PKHD1: variants seen among roughly 807,000 people sequenced by gnomAD.
PKHD1 encodes the protein PKHD1 ciliary IPT domain containing fibrocystin/polyductin, also known as fibrocystin.
A neutral mutation model predicts 412.0 loss-of-function variants in PKHD1; 291 were observed. The observed-to-expected ratio is 0.71, with a 90% CI of 0.64 to 0.78. The LOEUF is 0.78. Ranked by LOEUF, PKHD1 falls within the 30% of genes least tolerant of loss-of-function variation. The probability of loss-of-function intolerance (pLI) is 0.00; values close to 1 mark genes in which losing one functional copy is unlikely to be tolerated. For synonymous variants in PKHD1, 1,777 were observed against 1,821.5 expected, an observed-to-expected ratio of 0.98 and a Z score of 0.62; for missense variants, 4,825 against 4,950.7, an observed-to-expected ratio of 0.97 and a Z score of 0.76.
At chr6:52,065,950 A>G (rs371368359) in intron 12 of PKHD1, 26 bp downstream of exon 12, 2 of 1,069,748 alleles carry the variant, frequency 1.9e-6, no homozygotes, top group African/African-American at 1.6e-5. Context: ...ACTATGAACT[A>G]TTTTCAGCCA....
At chr6:51,948,947 A>G (rs1168179259) in intron 36 of PKHD1, among the ~76,000 whole-genome samples, 1 of 152,176 alleles carries the variant, frequency 6.6e-6, no homozygotes, top group East Asian at 1.9e-4. Context: ...AGATCAAGAG[A>G]GAAAAGGTGC....
intron 60 of PKHD1, among the ~76,000 whole-genome samples, chr6:51,674,654 T>A (rs924345760): frequency 6.6e-6 from 1 of 152,182 alleles, no homozygotes; most frequent in African/African-American, 2.4e-5. Context: ...ACTCCCCTTT[T>A]GGCCTGTGTT....
intron 35 of PKHD1, among the ~76,000 whole-genome samples, chr6:51,979,767 G>A (rs749535234): frequency 7.9e-5 from 12 of 152,244 alleles, no homozygotes; most frequent in Middle Eastern, 3.4e-3. Context: ...TAATTCTGCT[G>A]GATCATGTGC....
chr6:51,962,004 T>C (rs1471506467), intron 35 of PKHD1, among the ~76,000 whole-genome samples: 2 of 152,218 alleles, frequency 1.3e-5, no homozygotes, highest in East Asian at 3.9e-4. Flanking sequence ...CACTTCTGCA[T>C]CAAAATTTAA....
At chr6:51,885,048 A>T (rs1185085046) in intron 45 of PKHD1, among the ~76,000 whole-genome samples, 1 of 152,166 alleles carries the variant, frequency 6.6e-6, no homozygotes, top group Non-Finnish European at 1.5e-5. Flanking sequence ...TTGTGACATT[A>T]TTATATGTTT....
intron 52 of PKHD1, among the ~76,000 whole-genome samples, chr6:51,795,907 G>T (rs898262973): frequency 2.6e-5 from 4 of 152,114 alleles, no homozygotes; most frequent in Non-Finnish European, 5.9e-5. Context: ...TTGATGTGCT[G>T]CTGTATTCAG....
At chr6:51,733,344 T>C (rs1451981359) in intron 60 of PKHD1, among the ~76,000 whole-genome samples, 1 of 152,014 alleles carries the variant, frequency 6.6e-6, no homozygotes, top group Non-Finnish European at 1.5e-5. Flanking sequence ...ACCTAGATCA[T>C]CCTGGCTAAC....
intron 60 of PKHD1, among the ~76,000 whole-genome samples, chr6:51,728,587 G>A (rs1782868607): frequency 1.3e-5 from 2 of 152,136 alleles, no homozygotes; most frequent in South Asian, 4.1e-4. Context: ...ACTGAATCTG[G>A]CCAAGAACCT....
chr6:51,845,579 T>TA (rs2151612413), intron 50 of PKHD1, among the ~76,000 whole-genome samples: 1 of 152,344 alleles, frequency 6.6e-6, no homozygotes, highest in African/African-American at 2.4e-5. Context: ...AAATAATTTT[T>TA]AAAAATTAAT....
At chr6:51,785,780 C>T (rs959557541) in intron 53 of PKHD1, among the ~76,000 whole-genome samples, 4 of 152,170 alleles carry the variant, frequency 2.6e-5, no homozygotes, top group African/African-American at 9.7e-5. Flanking sequence ...TTTCTATCCA[C>T]AAAATCTGTT....
At chr6:51,740,158 C>T (rs1414801188) in intron 60 of PKHD1, 1 of 388,810 alleles carries the variant, frequency 2.6e-6, no homozygotes, top group African/African-American at 2.1e-5. Context: ...TACATTTTTC[C>T]AAGTTGGCTG....
intron 36 of PKHD1, among the ~76,000 whole-genome samples, chr6:51,956,884 AG>A (rs1791229734): frequency 6.6e-6 from 1 of 152,054 alleles, no homozygotes; most frequent in Non-Finnish European, 1.5e-5. Flanking sequence ...AAGGTCAACA[AG>A]GGGATCAGAG....
intron 43 of PKHD1, among the ~76,000 whole-genome samples, chr6:51,895,794 A>G (rs900527107): frequency 6.6e-6 from 1 of 151,826 alleles, no homozygotes; most frequent in African/African-American, 2.4e-5. Context: ...CAGTGGGCGC[A>G]GGTCAGTGGG....
intron 6 of PKHD1, 25 bp from the exon 7 acceptor site, chr6:52,073,566 T>C (rs1810943384): frequency 1.5e-6 from 2 of 1,315,490 alleles, no homozygotes; most frequent in Non-Finnish European, 1.1e-6. Flanking sequence ...ATTTTTTTAA[T>C]TTAATGGACT....
chr6:51,790,723 T>G (rs902377932), intron 53 of PKHD1, among the ~76,000 whole-genome samples: 1 of 152,200 alleles, frequency 6.6e-6, no homozygotes, highest in African/African-American at 2.4e-5. Context: ...CCTTTCCTCC[T>G]CACTTTTCTT....
chr6:51,736,704 C>G (rs1232512371), intron 60 of PKHD1, among the ~76,000 whole-genome samples: 1 of 152,164 alleles, frequency 6.6e-6, no homozygotes, highest in Non-Finnish European at 1.5e-5. Flanking sequence ...TCTGCAAGCA[C>G]AGATATTGGC....
intron 60 of PKHD1, among the ~76,000 whole-genome samples, chr6:51,707,580 G>T (rs993323698): frequency 1.5e-4 from 23 of 152,046 alleles, no homozygotes; most frequent in African/African-American, 5.6e-4. Context: ...CTACCACTCT[G>T]TCCTTTTTCC....
At chr6:51,779,073 CAAGAACTAGTAGGGGACA>C (rs1791549447) in intron 53 of PKHD1, among the ~76,000 whole-genome samples, 1 of 152,144 alleles carries the variant, frequency 6.6e-6, no homozygotes, top group Non-Finnish European at 1.5e-5. Flanking sequence ...AACTTGTCCT[CAAGAACTAGTAGGGGACA>C]AGGACAAAGA....
chr6:52,046,036 T>C lies in PKHD1; in HGVS notation c.2560A>G (p.Thr854Ala). Residue 854 changes from threonine (T) to alanine (A), a missense_variant, in exon 24 of 67, where the codon ACT (threonine) becomes GCT (alanine). Physicochemically the swap from Thr to Ala is moderately conservative, Grantham distance 58 (BLOSUM62 0). Coordinates refer to ENST00000371117, the MANE Select transcript of PKHD1 (RefSeq NM_138694.4). ...YEHVWTLSWSTQIGDLPNFIR... is the reference protein window; with the variant it reads ...YEHVWTLSWSAQIGDLPNFIR... ...AAATTGGGCAAATCCCCAATCTGAGTGGACCAGGACAAGGTCCACACGTGT... is the reference window on the plus strand; with the variant it reads ...AAATTGGGCAAATCCCCAATCTGAGCGGACCAGGACAAGGTCCACACGTGT... The C allele has an allele frequency of 6.2e-7, 1 of 1,613,650 alleles. No individual in the cohort carries two copies.
Sources: gnomAD v4.1 joint callset for allele counts (sites outside exome capture counted in the v4.1 genomes callset) on GRCh38, gnomAD v4.1.1 for gene constraint, MANE v1.5 for transcripts, NCBI Gene and HGNC (gene_info 2026-07-23, HGNC 2026-07-21) for gene names.